HIP1R: variants seen among roughly 807,000 people sequenced by gnomAD.
HIP1R encodes the protein huntingtin interacting protein 1 related.
A neutral mutation model predicts 144.2 loss-of-function variants in HIP1R; 135 were observed. That is an observed-to-expected ratio of 0.94 (90% confidence interval 0.81 to 1.08). HIP1R has a LOEUF of 1.08. Among genes scored for constraint, HIP1R ranks in the 50% least tolerant of loss-of-function variants. HIP1R has a pLI of 0.00. For synonymous variants in HIP1R, 698 were observed against 612.8 expected (o/e 1.14, Z -2.05); for missense variants, 1,462 against 1,432.8 (o/e 1.02, Z -0.33).
At position 122,860,790 on chromosome 12, in the gene HIP1R, C is replaced by T. The variant is rs1332949432; in HGVS notation, c.2766+6C>T. On this transcript the variant is annotated splice_donor_region_variant and intron_variant, in intron 28 of 31. Coordinates refer to ENST00000253083, the MANE Select transcript of HIP1R (RefSeq NM_003959.3). ...AGCTGGTGGCGGCCTCCAAGGTGAG[C>T]TTGCACGCCGACAGCAGCACACTGG... 1.9e-6 allele frequency: 3 copies of T among 1,611,666 alleles called. No individual in the cohort carries two copies. Among genetic ancestry groups the T allele is most frequent in the Non-Finnish European group, 2.5e-6 (3 of 1,179,124 alleles).
chr12:122,857,133 G>T lies in HIP1R; in HGVS notation c.1733G>T (p.Arg578Leu). The change falls in exon 18 of 32, where the codon CGC (arginine) becomes CTC (leucine). Residue 578 changes from arginine to leucine, a missense_variant. By Grantham distance (102) the Arg-to-Leu change is moderately radical. Around this residue, in one of 2 missense-constraint regions of HIP1R, gnomAD observed 1,112 missense variants for 1,011.7 expected, o/e 1.10. Coordinates refer to ENST00000253083, the MANE Select transcript of HIP1R (RefSeq NM_003959.3). ...ADLLAAQSLV[R>L]ETEAALSREQ... ...CTGCTGGCGGCGCAGAGCCTGGTGC[G>T]CGAGACAGAGGCGGCGCTGAGCCGG... The T allele has an allele frequency of 6.4e-7, 1 of 1,550,490 alleles. No homozygotes were observed. The highest frequency in any genetic ancestry group is 8.7e-7 in the Non-Finnish European group (1 of 1,146,948).
rs1329775842 is a variant in HIP1R, at chr12:122,835,608, C to T, written c.58C>T (p.Leu20=). 1 of 1,310,570 alleles carries T rather than the reference C, an allele frequency of 7.6e-7. No homozygotes were observed. The highest frequency in any genetic ancestry group is 2.9e-5 in the Admixed American group (1 of 34,808). 81.2% of individuals were successfully genotyped at this position (1,310,570 alleles called of 1,614,324 possible). ...GCTGAGCCGCAGGCCGGGCCACAGCCTGGAGGCCGAGCGCGAGCAGTTCGA... is the reference window on the plus strand; with the variant it reads ...GCTGAGCCGCAGGCCGGGCCACAGCTTGGAGGCCGAGCGCGAGCAGTTCGA... The part of the protein sequence containing the change: ...RVLSRRPGHS[L]EAEREQFDKT... The change falls in exon 1 of 32, where the codon CTG becomes TTG. Residue 20 remains leucine, a synonymous_variant. Coordinates refer to ENST00000253083, the MANE Select transcript of HIP1R (RefSeq NM_003959.3).
At position 122,861,877 on chromosome 12, in the gene HIP1R, A is replaced by G. The variant is rs1015450363; in HGVS notation, c.*124A>G. 1.9e-5 allele frequency: 17 copies of G among 877,868 alleles called. No individual in the cohort carries two copies. Among genetic ancestry groups the G allele is most frequent in the Non-Finnish European group, 2.8e-5 (16 of 562,394 alleles). 54.4% of individuals were successfully genotyped at this position (877,868 alleles called of 1,614,324 possible). ...GCCTCCCGCCCCACCGTCTGGATCA[A>G]TGTCCTCAAGGCCCCTGGCCCTTAC... On this transcript the variant is annotated 3_prime_UTR_variant, in exon 32 of 32. Transcript: ENST00000253083.
chr12:122,859,865 A>C, intron 24 of HIP1R, 35 bp downstream of exon 24: 1 of 1,596,108 alleles, frequency 6.3e-7, no homozygotes, highest in Non-Finnish European at 8.6e-7. Flanking sequence ...GGCCCAGCCG[A>C]GGTGGGCTCC....
At chr12:122,843,564 C>T (rs2033119735) in intron 1 of HIP1R, among the ~76,000 whole-genome samples, 1 of 152,226 alleles carries the variant, frequency 6.6e-6, no homozygotes, top group Non-Finnish European at 1.5e-5. Flanking sequence ...CACCTGCCCC[C>T]TGGGCCCCTG....
rs780646392 is a variant in HIP1R at position 122,856,063 on chromosome 12, G to T, written c.1212G>T (p.Lys404Asn). The T allele has an allele frequency of 3.1e-6, 5 of 1,591,698 alleles. No homozygotes were observed. The highest frequency in any genetic ancestry group is 4.3e-6 in the Non-Finnish European group (5 of 1,169,384). Residue 404 changes from lysine (K) to asparagine (N), a missense_variant, in exon 14 of 32, where the codon AAG becomes AAT. Physicochemically the swap from Lys to Asn is moderately conservative, Grantham distance 94 (BLOSUM62 0). Transcript: ENST00000253083. ...ELEEQRKQKQ[K>N]ALVDNEQLRH... The stretch of plus-strand genomic sequence containing the variant: ...AGGAGCAGCGGAAGCAGAAGCAGAA[G>T]GCCCTGGTGGATAATGAGCAGCTCC...
Position 122,861,160 on chromosome 12 carries a change from AT to A in HIP1R, c.2921del (p.Ile974ThrfsTer3), listed in dbSNP as rs1166881651. On this transcript the variant is annotated frameshift_variant, in exon 30 of 32. Coordinates refer to ENST00000253083, the MANE Select transcript of HIP1R (RefSeq NM_003959.3). LOFTEE classifies it high-confidence loss of function. ...CATGGATTTCTCCGGCCTGTCCCTC[AT>A]CAAGCTGAAGAAGCAGGAGATGGAG... ...DTMDFSGLSL[I>X]KLKKQEMETQ... 6.2e-7 allele frequency: 1 copy of A among 1,612,628 alleles called. No homozygotes were observed. The highest frequency in any genetic ancestry group is 2.2e-5 in the East Asian group (1 of 44,728).
In HIP1R at chr12:122,855,609, A is replaced by C. The variant is rs2033545088; in HGVS notation, c.1052A>C (p.Asp351Ala). 2.6e-6 allele frequency: 4 copies of C among 1,549,682 alleles called. No individual in the cohort carries two copies. Among genetic ancestry groups the C allele is most frequent in the Non-Finnish European group, 3.5e-6 (4 of 1,146,698 alleles). Residue 351 changes from aspartate to alanine, a missense_variant, in exon 12 of 32, where the codon GAC becomes GCC. Asp to Ala is a moderately radical substitution (Grantham distance 126, BLOSUM62 -2). Around this residue, in one of 2 missense-constraint regions of HIP1R, gnomAD observed 1,112 missense variants for 1,011.7 expected, o/e 1.10. Coordinates refer to ENST00000253083, the MANE Select transcript of HIP1R (RefSeq NM_003959.3). Reference sequence around the variant, plus strand: ...CCCCCCAATGGGTCTGTGAAGGACGACAGGTGAGGGCTGGAGGAGCCGACT... The same window carrying C: ...CCCCCCAATGGGTCTGTGAAGGACGCCAGGTGAGGGCTGGAGGAGCCGACT... ...FGPPNGSVKD[D>A]RDLQIESLKR...
intron 30 of HIP1R, 29 bp downstream of exon 30, chr12:122,861,221 C>T: frequency 1.2e-6 from 2 of 1,612,898 alleles, no homozygotes; most frequent in Non-Finnish European, 1.7e-6. Context: ...CCCGTGACCT[C>T]TGAGCTCATC....
rs2033676394 is a variant in HIP1R, at chr12:122,858,851, G to A, written c.2064G>A (p.Leu688=). ...CCACCCGCACAGACGCCTCCGCCCTGGTGGCAGCTCTGACCCGCTTCTCCC... is the reference window on the plus strand; with the variant it reads ...CCACCCGCACAGACGCCTCCGCCCTAGTGGCAGCTCTGACCCGCTTCTCCC... ...YLTSLADASA[L]VAALTRFSHL... Residue 688 remains leucine, a synonymous_variant, in exon 21 of 32, where the codon CTG becomes CTA. Transcript: ENST00000253083. 17 of 1,612,832 alleles carry A rather than the reference G, an allele frequency of 1.1e-5. No individual in the cohort carries two copies. The highest frequency in any genetic ancestry group is 2.7e-5 in the African/African-American group (2 of 74,914).
In HIP1R at chr12:122,857,167, G is replaced by C. The variant is rs1337562317; in HGVS notation, c.1767G>C (p.Gln589His). 11 of 1,550,322 alleles carry C rather than the reference G, an allele frequency of 7.1e-6. No individual in the cohort carries two copies. The Admixed American group carries it at 1.2e-4, about 17-fold the overall frequency. Residue 589 changes from glutamine to histidine, a missense_variant, in exon 18 of 32, where the codon CAG (glutamine) becomes CAC (histidine). Around this residue, in one of 2 missense-constraint regions of HIP1R, gnomAD observed 1,112 missense variants for 1,011.7 expected, o/e 1.10. Transcript: ENST00000253083. ...AGGCGGCGCTGAGCCGGGAGCAGCA[G>C]CGCAGCTCCCAGGAGCAGGGCGAGT... Reference protein sequence around the residue: ...ETEAALSREQQRSSQEQGELQ... With the variant: ...ETEAALSREQHRSSQEQGELQ...
upstream of HIP1R, chr12:122,835,052 T>A (rs746304055): frequency 1.6e-6 from 2 of 1,235,902 alleles, no homozygotes; most frequent in South Asian, 1.3e-5. Context: ...CTGGGGTCCC[T>A]ACCCTGGGTG....
In HIP1R at chr12:122,840,700, T is replaced by C. The variant is rs564721190; in HGVS notation, c.93+5057T>C. On this transcript the variant is annotated intron_variant, in intron 1 of 31. Transcript: ENST00000253083. This position sits in a 1 kb window ranked among gnomAD's most constrained non-coding sequence, Gnocchi z 4.2. ...GCGGAGGCCTTGTGTGCTGGGGCGG[T>C]TGGGGAGAAAAGTGGATCTGCACAG... is the stretch of plus-strand genomic sequence containing the variant. Among the ~76,000 whole-genome samples the C allele has an allele frequency of 1.3e-5, 2 of 151,860 alleles. No homozygotes were observed. Among genetic ancestry groups the C allele is most frequent in the African/African-American group, 4.8e-5 (2 of 41,374 alleles).
intron 1 of HIP1R, among the ~76,000 whole-genome samples, chr12:122,835,850 G>A (rs1198151961): frequency 6.7e-6 from 1 of 149,836 alleles, no homozygotes; most frequent in Non-Finnish European, 1.5e-5. Context: ...GCCGACCGGC[G>A]CGCAGGTGAA....
rs766909159 is a variant in HIP1R, at chr12:122,855,348, TGAG to T, written c.940_942del (p.Glu314del). On this transcript the variant is annotated inframe_deletion, in exon 11 of 32. Transcript: ENST00000253083. ...TGATCCCCGAGGAGGCCCCGGAAGATGAGGAGCCGGAGAATCTCATTGAGATCA... is the reference window on the plus strand; with the variant it reads ...TGATCCCCGAGGAGGCCCCGGAAGATGAGCCGGAGAATCTCATTGAGATCA... 2.7e-5 allele frequency: 43 copies of T among 1,606,940 alleles called. No individual in the cohort carries two copies. The highest frequency in any genetic ancestry group is 1.3e-4 in the East Asian group (6 of 44,576).
Position 122,849,889 on chromosome 12 carries a change from C to T in HIP1R, c.372C>T (p.Asp124=). 3.7e-6 allele frequency: 6 copies of T among 1,613,192 alleles called. No homozygotes were observed. The highest frequency in any genetic ancestry group is 4.2e-6 in the Non-Finnish European group (5 of 1,179,598). The change falls in exon 5 of 32, where the codon GAC becomes GAT. Residue 124 remains aspartate, a synonymous_variant. Transcript: ENST00000253083. ...EIGDLWGHLH[D]RYGQLVNVYT... ...TCTTCACACAGGGACATTTGCATGA[C>T]CGCTACGGACAGCTGGTGAATGTCT...
At chr12:122,861,602 G>A (rs2033776011) in intron 31 of HIP1R, 88 bp downstream of exon 31, 7 of 1,570,714 alleles carry the variant, frequency 4.5e-6, no homozygotes, top group Non-Finnish European at 6.1e-6. Context: ...CCCTGGGGAA[G>A]TCAGGGACCA....
rs1326184881 is a variant in HIP1R, at chr12:122,856,416, T to G, written c.1402-16T>G. On this transcript the variant is annotated splice_polypyrimidine_tract_variant and intron_variant, in intron 15 of 31. Coordinates refer to ENST00000253083, the MANE Select transcript of HIP1R (RefSeq NM_003959.3). ...GGGATGGCAGCAGAGCATGAGCCCT[T>G]CCCCTGCCCATGCAGAACGCGGACA... 6.2e-7 allele frequency: 1 copy of G among 1,602,294 alleles called. No individual in the cohort carries two copies. Among genetic ancestry groups the G allele is most frequent in the Non-Finnish European group, 8.5e-7 (1 of 1,174,358 alleles).
rs1189210415 is a variant in HIP1R, at chr12:122,861,849, C to CT, written c.*96_*97insT. The CT allele has an allele frequency of 5.2e-6, 6 of 1,143,824 alleles. No individual in the cohort carries two copies. The highest frequency in any genetic ancestry group is 7.7e-6 in the Non-Finnish European group (6 of 780,322). The allele number at this position is 1,143,824 out of a possible 1,614,324, so 70.9% of individuals were successfully genotyped here. ...AGGCCTTGCCCCTCCACCTGGTGCC[C>CT]AAGCCTCCCGCCCCACCGTCTGGAT... On this transcript the variant is annotated 3_prime_UTR_variant, in exon 32 of 32. Transcript: ENST00000253083.
Sources: gnomAD v4.1 joint callset for allele counts (sites outside exome capture counted in the v4.1 genomes callset) on GRCh38, gnomAD v4.1.1 for gene constraint, gnomAD v4.1.1 regional missense constraint, Gnocchi (gnomAD v3.1) non-coding constraint, MANE v1.5 for transcripts, NCBI Gene and HGNC (gene_info 2026-07-23, HGNC 2026-07-21) for gene names.